PPP1R12B: variants seen among roughly 807,000 people sequenced by gnomAD.
PPP1R12B encodes myosin phosphatase target subunit 2.
Under a neutral mutation model 126.1 loss-of-function variants are expected in PPP1R12B, and 76 were observed. That is an observed-to-expected ratio of 0.60 (90% CI 0.50 to 0.73). The LOEUF is 0.73. Among genes scored for constraint, PPP1R12B ranks in the 30% least tolerant of loss-of-function variants. PPP1R12B has a pLI of 0.00. For missense variants in PPP1R12B, 1,052 were observed against 1,205.1 expected (o/e 0.87, Z 1.88); for synonymous variants, 356 against 434.7 (o/e 0.82, Z 2.25).
rs35412743 is a variant in PPP1R12B, at chr1:202,390,662, C to CT, written c.292-26108dup. Among the ~76,000 whole-genome samples the CT allele has an allele frequency of 4.2e-3, 570 of 135,186 alleles. 1 individual carries two copies. Among genetic ancestry groups the CT allele is most frequent in the African/African-American group, 0.012 (438 of 36,808 alleles). The allele number at this position is 135,186 out of a possible 152,430, so 88.7% of individuals were successfully genotyped here. ...TGCAGGTGTGTGACATCACATCCAG[C>CT]TTTTTTTTTTTTTTTTTCATATGGG... is the stretch of plus-strand genomic sequence containing the variant. On this transcript the variant is annotated intron_variant, in intron 1 of 23. Coordinates refer to ENST00000608999, the MANE Select transcript of PPP1R12B (RefSeq NM_002481.4).
rs1679425208 is a variant in PPP1R12B at position 202,495,398 on chromosome 1, T to C, written c.2251T>C (p.Trp751Arg). 2 of 1,611,768 alleles carry C rather than the reference T, an allele frequency of 1.2e-6. No individual in the cohort carries two copies. The highest frequency in any genetic ancestry group is 1.7e-6 in the Non-Finnish European group (2 of 1,178,578). Residue 751 changes from tryptophan (W) to arginine (R), a missense_variant, in exon 16 of 24, where the codon TGG becomes CGG. Coordinates refer to ENST00000608999, the MANE Select transcript of PPP1R12B (RefSeq NM_002481.4). ...PSLYTSSHLLWTNRFSVPDSE... is the reference protein window; with the variant it reads ...PSLYTSSHLLRTNRFSVPDSE... ...ACTCTACACCAGTTCCCACCTGCTA[T>C]GGACAAATAGATTTTCAGTCCCTGA...
intron 10 of PPP1R12B, chr1:202,438,956 C>A: frequency 6.5e-7 from 1 of 1,535,580 alleles, no homozygotes; most frequent in Non-Finnish European, 9.0e-7. Context: ...CTGGCCTGAC[C>A]TGGAGATGCT....
intron 18 of PPP1R12B, among the ~76,000 whole-genome samples, chr1:202,539,300 G>C (rs540866224): frequency 6.6e-6 from 1 of 152,284 alleles, no homozygotes; most frequent in Non-Finnish European, 1.5e-5. Context: ...AAGCTGGCAG[G>C]CTTTCTTTTC....
chr1:202,440,848 A>G (rs917284658), intron 11 of PPP1R12B, 60 bp downstream of exon 11: 2 of 1,381,716 alleles, frequency 1.4e-6, no homozygotes, highest in Non-Finnish European at 2.1e-6. Flanking sequence ...GGACATAGTC[A>G]TCTCCTGGGC....
At chr1:202,442,608 C>T in intron 12 of PPP1R12B, 36 bp downstream of exon 12, 3 of 1,576,584 alleles carry the variant, frequency 1.9e-6, no homozygotes, top group Non-Finnish European at 2.6e-6. Flanking sequence ...ATGTTTCTTT[C>T]ACTCTAGCCA....
At chr1:202,480,971 G>A (rs368879786) in intron 13 of PPP1R12B, among the ~76,000 whole-genome samples, 2 of 152,200 alleles carry the variant, frequency 1.3e-5, no homozygotes, top group South Asian at 2.1e-4. Context: ...CCACAGACTG[G>A]TGGGGGCATG....
At chr1:202,375,195 C>T (rs1232308527) in intron 1 of PPP1R12B, among the ~76,000 whole-genome samples, 3 of 152,144 alleles carry the variant, frequency 2.0e-5, no homozygotes, top group Admixed American at 6.5e-5. Flanking sequence ...CTGCCTGCCT[C>T]GGCCTCCCAA....
At chr1:202,463,150 G>A (rs374319198) in intron 13 of PPP1R12B, 2 of 867,686 alleles carry the variant, frequency 2.3e-6, no homozygotes, top group Non-Finnish European at 1.4e-6. Flanking sequence ...GTTTCTTTGG[G>A]AAACTGGCTT....
intron 1 of PPP1R12B, among the ~76,000 whole-genome samples, chr1:202,373,343 A>C (rs1660626352): frequency 6.6e-6 from 1 of 152,204 alleles, no homozygotes; most frequent in Admixed American, 6.5e-5. Flanking sequence ...GAAAAATTTG[A>C]GAATTTTGTT....
chr1:202,451,933 C>A (rs1176396881), intron 13 of PPP1R12B, among the ~76,000 whole-genome samples: 1 of 151,420 alleles, frequency 6.6e-6, no homozygotes, highest in Non-Finnish European at 1.5e-5. Context: ...GGTGGAGGGG[C>A]TCCTCACTTC....
chr1:202,419,083 G>A lies in PPP1R12B; in HGVS notation c.422+2166G>A, dbSNP rs1402129677. Among the ~76,000 whole-genome samples the A allele has an allele frequency of 6.6e-6, 1 of 152,080 alleles. No homozygotes were observed. The highest frequency in any genetic ancestry group is 2.4e-5 in the African/African-American group (1 of 41,422). On this transcript the variant is annotated intron_variant, in intron 2 of 23. Transcript: ENST00000608999. The surrounding 1 kb of genome is among the most constrained non-coding windows in gnomAD (Gnocchi z 4.6). Reference sequence around the variant, plus strand: ...GGTGATCTTTTTGTCTCAGTATGTTGCATCAAAAGCAGGGAGCTTCAGAGG... The same window carrying A: ...GGTGATCTTTTTGTCTCAGTATGTTACATCAAAAGCAGGGAGCTTCAGAGG...
chr1:202,354,318 A>G (rs973803700), intron 1 of PPP1R12B, among the ~76,000 whole-genome samples: 4 of 152,282 alleles, frequency 2.6e-5, no homozygotes, highest in Admixed American at 6.5e-5. Flanking sequence ...TGTCCCAATA[A>G]TCACAATAGA....
intron 12 of PPP1R12B, among the ~76,000 whole-genome samples, chr1:202,443,546 T>C (rs1671883554): frequency 6.6e-6 from 1 of 152,252 alleles, no homozygotes; most frequent in African/African-American, 2.4e-5. Flanking sequence ...TTCAGTTCTG[T>C]AGATACATTC....
intron 2 of PPP1R12B, among the ~76,000 whole-genome samples, chr1:202,421,301 CTTTTTTTTTTT>C (rs764287116): frequency 7.3e-6 from 1 of 136,780 alleles, no homozygotes; most frequent in South Asian, 2.3e-4. Flanking sequence ...TTATCTCTCT[CTTTTTTTTTTT>C]TTTTTTTTAA....
At chr1:202,380,875 C>T (rs1055601978) in intron 1 of PPP1R12B, among the ~76,000 whole-genome samples, 1 of 152,186 alleles carries the variant, frequency 6.6e-6, no homozygotes, top group South Asian at 2.1e-4. Context: ...CTTTGAAAGT[C>T]ACTGTCTTTT....
At chr1:202,485,030 C>T (rs1677896240) in intron 13 of PPP1R12B, among the ~76,000 whole-genome samples, 1 of 152,172 alleles carries the variant, frequency 6.6e-6, no homozygotes, top group Non-Finnish European at 1.5e-5. Context: ...GGGATGGAAC[C>T]ACGGTAGAAC....
chr1:202,457,521 C>A (rs1157494751), intron 13 of PPP1R12B, among the ~76,000 whole-genome samples: 1 of 151,162 alleles, frequency 6.6e-6, no homozygotes, highest in Non-Finnish European at 1.5e-5. Context: ...CCATTGCTCT[C>A]CAGCCTGGGA....
rs1042876822 is a variant in PPP1R12B, at chr1:202,586,903, C to T, written c.*6343C>T. ...CTTGGATCTAGCTTATGTGCGTTCACATGCACATTTGCTAGCCCAGAGCTT... is the reference window on the plus strand; with the variant it reads ...CTTGGATCTAGCTTATGTGCGTTCATATGCACATTTGCTAGCCCAGAGCTT... On this transcript the variant is annotated 3_prime_UTR_variant, in exon 24 of 24. Coordinates refer to ENST00000608999, the MANE Select transcript of PPP1R12B (RefSeq NM_002481.4). 7 of 152,256 alleles carry T rather than the reference C, an allele frequency of 4.6e-5. No homozygotes were observed. The highest frequency in any genetic ancestry group is 1.7e-4 in the African/African-American group (7 of 41,466). The allele number at this position is 152,256 out of a possible 1,614,324, so 9.4% of individuals were successfully genotyped here.
At chr1:202,470,707 A>C (rs1005109913) in intron 13 of PPP1R12B, among the ~76,000 whole-genome samples, 2 of 152,090 alleles carry the variant, frequency 1.3e-5, no homozygotes, top group African/African-American at 4.8e-5. Context: ...AAGCCTAGGC[A>C]ACATAGTGAG....
Sources: allele counts gnomAD v4.1 joint callset (sites outside exome capture counted in the v4.1 genomes callset), GRCh38; gene constraint gnomAD v4.1.1; non-coding constraint Gnocchi (gnomAD v3.1); transcripts MANE v1.5; gene names NCBI Gene and HGNC (gene_info 2026-07-23, HGNC 2026-07-21).